Variants in ASTN2 observed in about 807,000 individuals in gnomAD.
The protein encoded by ASTN2 is astrotactin-2.
ASTN2 carries 54 observed loss-of-function variants against 139.8 expected under a neutral mutation model. That is an observed-to-expected ratio of 0.39 (90% confidence interval 0.31 to 0.48). The LOEUF (loss-of-function observed/expected upper bound fraction) is 0.48, where lower values mean the gene tolerates loss of function less well. ASTN2 is among the 20% of genes least tolerant of loss of function. The pLI is 0.95. For missense variants in ASTN2, 1,565 were observed against 1,725.1 expected, an observed-to-expected ratio of 0.91 and a Z score of 1.64; for synonymous variants, 756 against 719.5, an observed-to-expected ratio of 1.05 and a Z score of -0.81.
Position 116,767,722 on chromosome 9 carries a change from G to A in ASTN2, c.2397-34199C>T, listed in dbSNP as rs575461440. Among the ~76,000 whole-genome samples the A allele has an allele frequency of 2.6e-5, 4 of 152,234 alleles. No homozygotes were observed. The South Asian group carries it at 6.2e-4, about 24-fold the overall frequency. On this transcript the variant is annotated intron_variant, in intron 13 of 22. Transcript: ENST00000313400. Reference sequence around the variant, plus strand: ...TTGGTGTACTATGCTCAGAACCCTCGTGAGCAGGGGTCCCTGCAGCCAGAA... The same window carrying A: ...TTGGTGTACTATGCTCAGAACCCTCATGAGCAGGGGTCCCTGCAGCCAGAA...
At chr9:117,034,281 G>A (rs139627862) in intron 6 of ASTN2, among the ~76,000 whole-genome samples, 1 of 152,292 alleles carries the variant, frequency 6.6e-6, no homozygotes, top group Non-Finnish European at 1.5e-5. Context: ...TAAGATAGGT[G>A]TTTAATATTA....
At chr9:117,031,160 A>G (rs996933500) in intron 6 of ASTN2, among the ~76,000 whole-genome samples, 3 of 152,064 alleles carry the variant, frequency 2.0e-5, no homozygotes, top group African/African-American at 7.2e-5. Context: ...ATTGGAGTTT[A>G]TTTTTGGGGA....
intron 1 of ASTN2, among the ~76,000 whole-genome samples, chr9:117,300,761 C>G (rs971151053): frequency 6.6e-6 from 1 of 152,148 alleles, no homozygotes; most frequent in African/African-American, 2.4e-5. Flanking sequence ...GCAGGGGCCA[C>G]AACATGGCCA....
intron 1 of ASTN2, among the ~76,000 whole-genome samples, chr9:117,361,419 T>G (rs1587980430): frequency 6.6e-6 from 1 of 152,178 alleles, no homozygotes; most frequent in Non-Finnish European, 1.5e-5. Flanking sequence ...CCTGGACAAG[T>G]CATTTCATTG....
chr9:116,544,999 T>TA (rs1852031388), intron 19 of ASTN2, among the ~76,000 whole-genome samples: 1 of 152,210 alleles, frequency 6.6e-6, no homozygotes, highest in Non-Finnish European at 1.5e-5. Flanking sequence ...CTCCCCTGTA[T>TA]GCCTTAGAAA....
chr9:117,222,881 G>T (rs1319460683), intron 2 of ASTN2, among the ~76,000 whole-genome samples: 1 of 145,974 alleles, frequency 6.9e-6, no homozygotes, highest in Non-Finnish European at 1.5e-5. Flanking sequence ...GTGTACAGAT[G>T]AAAAAAAAAA....
chr9:117,332,917 T>C (rs59406742), intron 1 of ASTN2, among the ~76,000 whole-genome samples: 6,826 of 152,316 alleles, frequency 0.045, 221 homozygotes, highest in South Asian at 0.099. Flanking sequence ...CTCTGTATTA[T>C]ATGATTCCAT....
chr9:116,525,808 G>C (rs1851065583), intron 19 of ASTN2, among the ~76,000 whole-genome samples: 3 of 152,074 alleles, frequency 2.0e-5, no homozygotes, highest in Non-Finnish European at 4.4e-5. Context: ...ATGGGCCTGA[G>C]AAAAATGTCA....
At chr9:116,793,694 A>T (rs186535588) in intron 13 of ASTN2, among the ~76,000 whole-genome samples, 1 of 152,228 alleles carries the variant, frequency 6.6e-6, no homozygotes, top group African/African-American at 2.4e-5. Context: ...AAAACAAACA[A>T]AAAAGCTGGT....
chr9:116,838,589 ATTTT>A (rs34871450), intron 11 of ASTN2, among the ~76,000 whole-genome samples: 1 of 130,142 alleles, frequency 7.7e-6, no homozygotes, highest in Non-Finnish European at 1.6e-5. Context: ...ATGCCCAGCA[ATTTT>A]TTTTTTTTTT....
chr9:116,649,493 G>A (rs1370511907), intron 17 of ASTN2, among the ~76,000 whole-genome samples: 2 of 149,712 alleles, frequency 1.3e-5, no homozygotes, highest in Admixed American at 1.3e-4. Context: ...AGAATCGCTT[G>A]AACCCAGGAG....
chr9:117,186,284 C>T (rs1196832841), intron 3 of ASTN2, among the ~76,000 whole-genome samples: 4 of 152,170 alleles, frequency 2.6e-5, no homozygotes, highest in Non-Finnish European at 5.9e-5. Context: ...CGGTGGCCCA[C>T]GCCTGTAATC....
At position 116,475,931 on chromosome 9, in the gene ASTN2, C is replaced by T. The variant is rs559789136; in HGVS notation, c.3497+11428G>A. Among the ~76,000 whole-genome samples, 4 of 152,332 alleles carry T rather than the reference C, an allele frequency of 2.6e-5. No homozygotes were observed. In the South Asian group the frequency reaches 8.3e-4, roughly 32 times the overall value. On this transcript the variant is annotated intron_variant, in intron 20 of 22. Transcript: ENST00000313400. ...TGCAGCGTTGTCTCTCGTCCCCCAG[C>T]CTGCTCACAGTCTGTCCTCTGTCCC...
chr9:116,725,255 T>C (rs1828586629), intron 16 of ASTN2, among the ~76,000 whole-genome samples: 1 of 152,054 alleles, frequency 6.6e-6, no homozygotes, highest in African/African-American at 2.4e-5. Context: ...GAAAATGAAA[T>C]CTGCTGGCCC....
intron 10 of ASTN2, among the ~76,000 whole-genome samples, chr9:116,893,159 TCACACACACACACACA>T (rs56263614): frequency 1.3e-5 from 2 of 149,232 alleles, no homozygotes; most frequent in African/African-American, 2.5e-5. Context: ...TAAAGGTGTA[TCACACACACACACACA>T]CACACACACA....
At chr9:116,467,157 C>G (rs1047970141) in intron 20 of ASTN2, among the ~76,000 whole-genome samples, 14 of 152,108 alleles carry the variant, frequency 9.2e-5, no homozygotes, top group Non-Finnish European at 2.1e-4. Context: ...GAAGGACTAT[C>G]AAAGTCTACA....
At chr9:116,540,935 A>T (rs1182920467) in intron 19 of ASTN2, among the ~76,000 whole-genome samples, 7 of 152,038 alleles carry the variant, frequency 4.6e-5, no homozygotes. Context: ...GTATATGAAC[A>T]TGAAAATTTT....
chr9:116,987,442 C>T (rs1836721490), intron 7 of ASTN2, among the ~76,000 whole-genome samples: 1 of 152,216 alleles, frequency 6.6e-6, no homozygotes, highest in Non-Finnish European at 1.5e-5. Context: ...CAACCCTTTC[C>T]ACTGGCCCCC....
intron 10 of ASTN2, among the ~76,000 whole-genome samples, chr9:116,956,215 C>G (rs1165352600): frequency 6.7e-6 from 1 of 150,064 alleles, no homozygotes; most frequent in Non-Finnish European, 1.5e-5. Flanking sequence ...CCTCCCTCAG[C>G]CTCCCAAGTA....
Sources: allele counts gnomAD v4.1 joint callset (sites outside exome capture counted in the v4.1 genomes callset), GRCh38; gene constraint gnomAD v4.1.1; transcripts MANE v1.5; gene names NCBI Gene and HGNC (gene_info 2026-07-23, HGNC 2026-07-21).